The following KIF5C variants were observed in gnomAD, a reference collection of about 807,000 sequenced individuals.
KIF5C encodes kinesin family member 5C, also known as kinesin heavy chain isoform 5C.
A neutral mutation model predicts 125.2 loss-of-function variants in KIF5C; 18 were observed. That is an observed-to-expected ratio of 0.14 (90% CI 0.10 to 0.21). The LOEUF (loss-of-function observed/expected upper bound fraction) is 0.21. KIF5C is among the 10% of genes least tolerant of loss of function. The pLI, the probability that KIF5C is intolerant of heterozygous loss-of-function variation, is 1.00. For missense variants in KIF5C, 780 were observed against 1,183.8 expected, an observed-to-expected ratio of 0.66 and a Z score of 5.01; for synonymous variants, 405 against 434.0, an observed-to-expected ratio of 0.93 and a Z score of 0.83.
intron 1 of KIF5C, among the ~76,000 whole-genome samples, chr2:148,913,809 A>T (rs1354080364): frequency 6.6e-6 from 1 of 152,068 alleles, no homozygotes; most frequent in African/African-American, 2.4e-5. Flanking sequence ...GGCGCAAGAG[A>T]TCCTCCATTC....
At position 148,875,567 on chromosome 2, in the gene KIF5C, C is replaced by CA; in HGVS notation, c.-51_-50insA. On this transcript the variant is annotated 5_prime_UTR_variant, in exon 1 of 26. Coordinates refer to ENST00000435030, the MANE Select transcript of KIF5C (RefSeq NM_004522.3). ...TCGCGGCCTCCTCCCTCGTCGTTCC[C>CA]GGCCCCGGCCCCCCACCCATCCCCG... 8.2e-6 allele frequency: 7 copies of CA among 853,186 alleles called. No individual in the cohort carries two copies. The highest frequency in any genetic ancestry group is 9.6e-6 in the Non-Finnish European group (5 of 520,586). 52.9% of individuals were successfully genotyped at this position (853,186 alleles called of 1,614,324 possible). A position where few individuals can be genotyped will look rare whatever the true frequency, so the allele number is the denominator to read the frequency against.
chr2:148,892,155 T>C (rs988347592), intron 1 of KIF5C, among the ~76,000 whole-genome samples: 1 of 152,238 alleles, frequency 6.6e-6, no homozygotes, highest in Admixed American at 6.5e-5. Context: ...TCCAGCATCC[T>C]TGCTTTTAAC....
In KIF5C at chr2:149,019,131, C is replaced by T. The variant is rs76096548; in HGVS notation, c.*8-3947C>T. The stretch of plus-strand genomic sequence containing the variant: ...AGCTGTTTCTGCATTCTGTCTGTTG[C>T]GGTGTGCTGTTTTGGTTGAAGTATA... On this transcript the variant is annotated intron_variant, in intron 25 of 25. Transcript: ENST00000435030. 2.9e-3 allele frequency among the ~76,000 whole-genome samples: 447 copies of T among 152,210 alleles called. 2 individuals are homozygous for T. Among genetic ancestry groups the T allele is most frequent in the African/African-American group, 9.4e-3 (389 of 41,538 alleles).
At chr2:149,002,276 ACT>A (rs1291030760) in intron 21 of KIF5C, among the ~76,000 whole-genome samples, 3 of 152,102 alleles carry the variant, frequency 2.0e-5, no homozygotes, top group African/African-American at 7.2e-5. Context: ...GCTCTCAGGC[ACT>A]CTCACCCTAC....
At chr2:148,987,545 GA>G (rs1344648067) in intron 15 of KIF5C, among the ~76,000 whole-genome samples, 1 of 152,174 alleles carries the variant, frequency 6.6e-6, no homozygotes, top group East Asian at 1.9e-4. Flanking sequence ...CCTTGGGGAA[GA>G]AAGCCTAATG....
At chr2:149,002,694 A>G (rs1681886947) in intron 21 of KIF5C, among the ~76,000 whole-genome samples, 1 of 151,842 alleles carries the variant, frequency 6.6e-6, no homozygotes, top group Non-Finnish European at 1.5e-5. Context: ...CTGTCTCAGG[A>G]CACTCCCCCT....
intron 8 of KIF5C, 137 bp downstream of exon 8, chr2:148,947,160 A>T: frequency 7.6e-7 from 1 of 1,322,174 alleles, no homozygotes; most frequent in Non-Finnish European, 1.0e-6. Context: ...CCAAGGTGTT[A>T]TTACATTTAA....
In KIF5C at chr2:148,962,192, GTCTC is replaced by G. The variant is rs899974331; in HGVS notation, c.1117+79_1117+82del. ...TTATTTTTATTTTTTTTGAGACAGA[GTCTC>G]TCTCTGTCACTCAGGCTGGAGTGCA... On this transcript the variant is annotated intron_variant, in intron 11 of 25. Transcript: ENST00000435030. 587 of 1,482,780 alleles carry G rather than the reference GTCTC, an allele frequency of 4.0e-4. 4 individuals carry two copies. The South Asian group carries it at 5.3e-3, about 13-fold the overall frequency. The allele number at this position is 1,482,780 out of a possible 1,614,324, so 91.9% of individuals were successfully genotyped here. A position where few individuals can be genotyped will look rare whatever the true frequency, so the allele number is the denominator to read the frequency against.
At chr2:148,940,762 G>A (rs556387706) in intron 4 of KIF5C, among the ~76,000 whole-genome samples, 2 of 152,174 alleles carry the variant, frequency 1.3e-5, no homozygotes, top group African/African-American at 2.4e-5. Flanking sequence ...TTTTGACATC[G>A]TAAAGCCCTA....
rs1317251911 is a variant in KIF5C, at chr2:148,981,456, C to T, written c.1464C>T (p.Leu488=). ...CCAAGGATGAGGTGAAAGAAGTTCT[C>T]CAGGCCCTGGAGGAGCTGGCTGTCA... ...EAAKDEVKEV[L]QALEELAVNY... is the part of the protein sequence containing the mutation. Residue 488 remains leucine, a synonymous_variant, in exon 14 of 26, where the codon CTC becomes CTT. Transcript: ENST00000435030. The T allele has an allele frequency of 1.2e-6, 2 of 1,609,050 alleles. No individual in the cohort carries two copies. The highest frequency in any genetic ancestry group is 1.1e-5 in the South Asian group (1 of 89,672).
chr2:148,888,176 G>C (rs1272565157), intron 1 of KIF5C: 1 of 152,200 alleles, frequency 6.6e-6, no homozygotes, highest in Non-Finnish European at 1.5e-5. Flanking sequence ...CCCAGTCGCC[G>C]GCCCCGGGAA....
chr2:149,016,112 A>G (rs1682348932), intron 25 of KIF5C, among the ~76,000 whole-genome samples: 2 of 152,222 alleles, frequency 1.3e-5, no homozygotes, highest in Admixed American at 1.3e-4. Flanking sequence ...TATTTGAGGA[A>G]TGTTACCAAG....
chr2:148,932,720 G>A (rs1443540472), intron 3 of KIF5C, among the ~76,000 whole-genome samples: 1 of 152,204 alleles, frequency 6.6e-6, no homozygotes, highest in East Asian at 1.9e-4. Context: ...GACGCTTGGA[G>A]GTCATCTGAA....
chr2:148,910,440 A>G (rs889329769), intron 1 of KIF5C, among the ~76,000 whole-genome samples: 2 of 152,236 alleles, frequency 1.3e-5, no homozygotes, highest in African/African-American at 4.8e-5. Context: ...TGCCCCAGGT[A>G]AAACATAGGG....
intron 11 of KIF5C, among the ~76,000 whole-genome samples, chr2:148,970,467 A>G (rs1241108475): frequency 1.3e-5 from 2 of 152,232 alleles, no homozygotes; most frequent in Non-Finnish European, 2.9e-5. Context: ...TCTCCCTTAC[A>G]GAAAGGAAAC....
At chr2:148,925,502 A>G (rs573143458) in intron 2 of KIF5C, among the ~76,000 whole-genome samples, 5 of 152,312 alleles carry the variant, frequency 3.3e-5, no homozygotes, top group South Asian at 4.1e-4. Flanking sequence ...CTGAAGGGTG[A>G]GCATTATTTT....
At chr2:148,937,745 G>A (rs1478003037) in intron 4 of KIF5C, among the ~76,000 whole-genome samples, 1 of 152,232 alleles carries the variant, frequency 6.6e-6, no homozygotes, top group African/African-American at 2.4e-5. Flanking sequence ...TGTTATTAAT[G>A]GTGGGCTAGC....
chr2:148,994,423 C>T lies in KIF5C; in HGVS notation c.1908C>T (p.His636=), dbSNP rs369601694. 47 of 1,558,742 alleles carry T rather than the reference C, an allele frequency of 3.0e-5. No individual in the cohort carries two copies. Among genetic ancestry groups the T allele is most frequent in the South Asian group, 4.8e-5 (4 of 84,088 alleles). ...TCTTCCTTTTTGCTTGTTTAAAGCA[C>T]GAAGCCAAGATCAAGTCTCTGACAG... ...LAACQLLISQ[H]EAKIKSLTDY... Residue 636 remains histidine, a splice_region_variant and synonymous_variant, in exon 17 of 26, where the codon CAC becomes CAT. Coordinates refer to ENST00000435030, the MANE Select transcript of KIF5C (RefSeq NM_004522.3).
intron 1 of KIF5C, among the ~76,000 whole-genome samples, chr2:148,905,483 C>T (rs902788880): frequency 6.6e-6 from 1 of 152,116 alleles, no homozygotes; most frequent in African/African-American, 2.4e-5. Flanking sequence ...GGTGCCTTTG[C>T]TGCTTCCCAT....
Sources: allele counts gnomAD v4.1 joint callset (sites outside exome capture counted in the v4.1 genomes callset), GRCh38; gene constraint gnomAD v4.1.1; transcripts MANE v1.5; gene names NCBI Gene and HGNC (gene_info 2026-07-23, HGNC 2026-07-21).